TSR1: variants seen among roughly 807,000 people sequenced by gnomAD.
The protein encoded by TSR1 is TSR1 ribosome maturation factor.
In TSR1, 81 loss-of-function variants were observed where a neutral mutation model predicts 90.9. The ratio of observed to expected loss-of-function variants is 0.89; its 90% confidence interval spans 0.74 to 1.07. TSR1 has a LOEUF of 1.07. Ranked by LOEUF, TSR1 falls within the 50% of genes least tolerant of loss-of-function variation. The probability of loss-of-function intolerance (pLI) is 0.00; values close to 1 mark genes in which losing one functional copy is unlikely to be tolerated. For synonymous variants in TSR1, 362 were observed against 348.8 expected (o/e 1.04, Z -0.42); for missense variants, 989 against 987.3 (o/e 1.00, Z -0.02).
rs766742085 is a variant in TSR1, at chr17:2,330,973, C to T, written c.1633G>A (p.Glu545Lys). The T allele has an allele frequency of 1.8e-5, 29 of 1,596,160 alleles. No individual in the cohort carries two copies. In the South Asian group the frequency reaches 2.8e-4, roughly 15 times the overall value. Residue 545 changes from glutamate (E) to lysine (K), a missense_variant, in exon 9 of 15, where the codon GAA becomes AAA. By Grantham distance (56) the Glu-to-Lys change is moderately conservative (BLOSUM62 1). Coordinates refer to ENST00000301364, the MANE Select transcript of TSR1 (RefSeq NM_018128.5). Reference sequence around the variant, plus strand: ...TCAGCTCCTTCAACCTCTTTTTCTTCAACCTCTTTAAAGATGCTTTTCCTA... The same window carrying T: ...TCAGCTCCTTCAACCTCTTTTTCTTTAACCTCTTTAAAGATGCTTTTCCTA... ...NTRKSIFKEV[E>K]EKEVEGAEVG... is the part of the protein sequence containing the mutation.
chr17:2,331,097 G>GT lies in TSR1; in HGVS notation c.1508dup (p.Tyr503Ter). ...ATGTCCGGAAGCTCTTAAGGCCTCT[G>GT]TATTTCTGAAATCTAGAATATTGAA... ...DVAARIRFQK[Y>*]RGLKSFRTSP... Residue 503 changes from tyrosine (Y) to a stop codon, truncating the protein, a stop_gained and frameshift_variant, in exon 9 of 15, where the codon TAC (tyrosine) becomes TAAC (stop). Coordinates refer to ENST00000301364, the MANE Select transcript of TSR1 (RefSeq NM_018128.5). LOFTEE classifies it high-confidence loss of function. 6.3e-7 allele frequency: 1 copy of GT among 1,579,802 alleles called. No individual in the cohort carries two copies. The highest frequency in any genetic ancestry group is 1.2e-5 in the South Asian group (1 of 84,830).
At chr17:2,330,247 C>G (rs114712422) in intron 10 of TSR1, 10 of 582,052 alleles carry the variant, frequency 1.7e-5, no homozygotes, top group East Asian at 8.5e-5. Context: ...GGCTGCCAAC[C>G]CTTATTCAAA....
At position 2,323,917 on chromosome 17, in the gene TSR1, T is replaced by A; in HGVS notation, c.*279A>T. On this transcript the variant is annotated 3_prime_UTR_variant, in exon 15 of 15. Coordinates refer to ENST00000301364, the MANE Select transcript of TSR1 (RefSeq NM_018128.5). ...GTGGGAATTCAGTGTCTTTAGATAC[T>A]GAAGACATTTTGTTTCCTAGTATTG... 6.5e-7 allele frequency: 1 copy of A among 1,544,554 alleles called. No homozygotes were observed. Among genetic ancestry groups the A allele is most frequent in the Non-Finnish European group, 8.9e-7 (1 of 1,122,642 alleles).
chr17:2,334,987 C>T, intron 4 of TSR1, 91 bp from the exon 5 acceptor site: 1 of 1,390,062 alleles, frequency 7.2e-7, no homozygotes, highest in Non-Finnish European at 9.7e-7. Flanking sequence ...AGCTCAGTTG[C>T]AAGCCCAGAG....
intron 11 of TSR1, among the ~76,000 whole-genome samples, chr17:2,328,241 CAAAA>C (rs34888941): frequency 5.5e-5 from 4 of 72,340 alleles, no homozygotes; most frequent in African/African-American, 1.1e-4. Flanking sequence ...GACTCGGTCT[CAAAA>C]AAAAAAAAAA....
chr17:2,326,004 G>A (rs938971100), intron 11 of TSR1, among the ~76,000 whole-genome samples: 1 of 152,126 alleles, frequency 6.6e-6, no homozygotes, highest in Non-Finnish European at 1.5e-5. Flanking sequence ...TCTGCTCACT[G>A]CAACCTCCAC....
rs1275092427 is a variant in TSR1, at chr17:2,333,034, T to C, written c.1232A>G (p.Gln411Arg). The change falls in exon 7 of 15, where the codon CAA becomes CGA. Residue 411 changes from glutamine to arginine, a missense_variant. By Grantham distance (43) the Gln-to-Arg change is conservative. Coordinates refer to ENST00000301364, the MANE Select transcript of TSR1 (RefSeq NM_018128.5). Reference protein sequence around the residue: ...QAEWILDGGSQSGGEGDEYEY... With the variant: ...QAEWILDGGSRSGGEGDEYEY... ...ATATTCATCTCCTTCCCCACCACTTTGGCTGCCACCATCCAAAATCCATTC... is the reference window on the plus strand; with the variant it reads ...ATATTCATCTCCTTCCCCACCACTTCGGCTGCCACCATCCAAAATCCATTC... 1 of 1,614,160 alleles carries C rather than the reference T, an allele frequency of 6.2e-7. No individual in the cohort carries two copies. The highest frequency in any genetic ancestry group is 8.5e-7 in the Non-Finnish European group (1 of 1,180,022).
Position 2,322,842 on chromosome 17 carries a change from G to T in TSR1, c.*1354C>A, listed in dbSNP as rs7216291. 102,638 of 377,150 alleles carry T rather than the reference G, an allele frequency of 0.27. 14,625 individuals carry two copies. The highest frequency in any genetic ancestry group is 0.38 in the Admixed American group (9,730 of 25,806). 23.4% of individuals were successfully genotyped at this position (377,150 alleles called of 1,614,324 possible). ...CATTTTGGTGTGATCTCAGCTCACT[G>T]CAACCTACCCCTCCCAAGTTCAAGT... On this transcript the variant is annotated 3_prime_UTR_variant, in exon 15 of 15. Coordinates refer to ENST00000301364, the MANE Select transcript of TSR1 (RefSeq NM_018128.5).
At chr17:2,332,000 T>C (rs1447358444) in intron 8 of TSR1, among the ~76,000 whole-genome samples, 169 bp downstream of exon 8, 2 of 152,236 alleles carry the variant, frequency 1.3e-5, no homozygotes, top group Non-Finnish European at 2.9e-5. Context: ...CTTAATTACA[T>C]ATGACCATTT....
At chr17:2,334,979 C>A in intron 4 of TSR1, 83 bp from the exon 5 acceptor site, 1 of 1,433,722 alleles carries the variant, frequency 7.0e-7, no homozygotes, top group Non-Finnish European at 9.4e-7. Flanking sequence ...AACCTAATAG[C>A]TCAGTTGCAA....
intron 5 of TSR1, among the ~76,000 whole-genome samples, chr17:2,333,949 C>T (rs1171403807): frequency 1.3e-5 from 2 of 152,068 alleles, no homozygotes; most frequent in Non-Finnish European, 2.9e-5. Flanking sequence ...CCATTTATTA[C>T]GTACCTCACT....
In TSR1 at chr17:2,334,276, A is replaced by G. The variant is rs141711878; in HGVS notation, c.981+196T>C. ...TCTTGAGTGTGTTCTATAAACTCAG[A>G]GCCAATCACAGTGCAGACTACCTAG... On this transcript the variant is annotated intron_variant, in intron 5 of 14. Transcript: ENST00000301364. 2.1e-3 allele frequency among the ~76,000 whole-genome samples: 323 copies of G among 152,336 alleles called. 1 individual carries two copies. Among genetic ancestry groups the G allele is most frequent in the African/African-American group, 6.6e-3 (275 of 41,576 alleles).
Position 2,332,371 on chromosome 17 carries a change from G to A in TSR1, c.1306-12C>T. Reference sequence around the variant, plus strand: ...TCACTACTCTCATCCTGTAGAATAGGATTACAGTTTTTTCAGAAGAAATCC... The same window carrying A: ...TCACTACTCTCATCCTGTAGAATAGAATTACAGTTTTTTCAGAAGAAATCC... On this transcript the variant is annotated splice_polypyrimidine_tract_variant and intron_variant, in intron 7 of 14. Transcript: ENST00000301364. 1 of 1,570,012 alleles carries A rather than the reference G, an allele frequency of 6.4e-7. No homozygotes were observed. Among genetic ancestry groups the A allele is most frequent in the Non-Finnish European group, 8.6e-7 (1 of 1,164,524 alleles).
Position 2,324,818 on chromosome 17 carries a change from G to A in TSR1, c.2032C>T (p.Leu678Phe), listed in dbSNP as rs182968782. The part of the protein sequence containing the change: ...FKQKSNGMHS[L>F]IATGHLMSVD... Reference sequence around the variant, plus strand: ...GACATAAGATGGCCTGTAGCAATGAGGCTGTGCATTCCTAAAGGACAAAAG... The same window carrying A: ...GACATAAGATGGCCTGTAGCAATGAAGCTGTGCATTCCTAAAGGACAAAAG... Residue 678 changes from leucine to phenylalanine, a missense_variant, in exon 13 of 15, where the codon CTC (leucine) becomes TTC (phenylalanine). Leu to Phe is a conservative substitution (Grantham distance 22, BLOSUM62 0). Transcript: ENST00000301364. 8.7e-4 allele frequency: 1,403 copies of A among 1,611,086 alleles called. 12 individuals are homozygous for A. The highest frequency in any genetic ancestry group is 1.2e-4 in the Non-Finnish European group (147 of 1,179,300).
rs1176993411 is a variant in TSR1 at position 2,334,501 on chromosome 17, G to A, written c.952C>T (p.Pro318Ser). Residue 318 changes from proline to serine, a missense_variant, in exon 5 of 15, where the codon CCC becomes TCC. Transcript: ENST00000301364. ...PFPLNPRGIK[P>S]QKDPDMAMEI... ...ATTGCCATGTCTGGGTCCTTTTGGGGTTTAATTCCTCTAGGATTTAAAGGG... is the reference window on the plus strand; with the variant it reads ...ATTGCCATGTCTGGGTCCTTTTGGGATTTAATTCCTCTAGGATTTAAAGGG... 5 of 1,613,804 alleles carry A rather than the reference G, an allele frequency of 3.1e-6. No homozygotes were observed. Among genetic ancestry groups the A allele is most frequent in the Non-Finnish European group, 4.2e-6 (5 of 1,179,906 alleles).
chr17:2,336,006 G>A (rs1426204269), intron 2 of TSR1, 31 bp downstream of exon 2: 4 of 1,608,372 alleles, frequency 2.5e-6, no homozygotes, highest in Non-Finnish European at 3.4e-6. Context: ...CACCAGAGAA[G>A]CCGCATTCTC....
chr17:2,333,412 G>T, intron 6 of TSR1, 145 bp downstream of exon 6: 1 of 1,021,410 alleles, frequency 9.8e-7, no homozygotes. Context: ...TTTGTTTATT[G>T]AAAACATACA....
At chr17:2,330,442 A>T in intron 10 of TSR1, 73 bp downstream of exon 10, 1 of 1,424,102 alleles carries the variant, frequency 7.0e-7, no homozygotes, top group Non-Finnish European at 9.9e-7. Flanking sequence ...TCACACATAA[A>T]CAGAATTTTA....
At chr17:2,327,550 A>G (rs184536721) in intron 11 of TSR1, among the ~76,000 whole-genome samples, 12 of 152,344 alleles carry the variant, frequency 7.9e-5, no homozygotes, top group Admixed American at 5.2e-4. Flanking sequence ...CAAAATAAGC[A>G]AAGAAGTAAA....
Sources: allele counts gnomAD v4.1 joint callset (sites outside exome capture counted in the v4.1 genomes callset), GRCh38; gene constraint gnomAD v4.1.1; transcripts MANE v1.5; gene names NCBI Gene and HGNC (gene_info 2026-07-23, HGNC 2026-07-21).